The following UBE2E2 variants were observed in gnomAD, a reference collection of about 807,000 sequenced individuals.
UBE2E2 encodes the protein ubiquitin-conjugating enzyme E2 E2.
Under a neutral mutation model 24.7 loss-of-function variants are expected in UBE2E2, and 6 were observed. The ratio of observed to expected loss-of-function variants is 0.24; its 90% CI spans 0.13 to 0.48. The LOEUF is 0.48. Ranked by LOEUF, UBE2E2 falls within the 20% of genes least tolerant of loss-of-function variation. The probability of loss-of-function intolerance (pLI) is 0.99; values close to 1 mark genes in which losing one functional copy is unlikely to be tolerated. For missense variants in UBE2E2, 169 were observed against 245.0 expected (o/e 0.69, Z 2.07); for synonymous variants, 104 against 83.6 (o/e 1.24, Z -1.33).
intron 5 of UBE2E2, among the ~76,000 whole-genome samples, chr3:23,546,169 A>C (rs1695517318): frequency 6.6e-6 from 1 of 152,208 alleles, no homozygotes; most frequent in Admixed American, 6.5e-5. Context: ...AATTAATTAA[A>C]CATTTTTAAA....
chr3:23,230,223 T>A (rs909979356), intron 3 of UBE2E2, among the ~76,000 whole-genome samples: 1 of 152,200 alleles, frequency 6.6e-6, no homozygotes, highest in African/African-American at 2.4e-5. Flanking sequence ...AAAGCAATAT[T>A]GCAAATGATT....
chr3:23,334,674 G>T lies in UBE2E2; in HGVS notation c.227+117362G>T, dbSNP rs114487461. Among the ~76,000 whole-genome samples the T allele has an allele frequency of 8.1e-3, 1,239 of 152,258 alleles. 10 individuals carry two copies. Among genetic ancestry groups the T allele is most frequent in the Admixed American group, 0.014 (219 of 15,286 alleles). ...AGCAAACATTCAGTAAGCTGTACTA[G>T]CATATTTTGGTACTGATGAAAGATC... On this transcript the variant is annotated intron_variant, in intron 3 of 5. Coordinates refer to ENST00000396703, the MANE Select transcript of UBE2E2 (RefSeq NM_152653.4).
intron 5 of UBE2E2, among the ~76,000 whole-genome samples, chr3:23,561,657 T>C (rs1695932375): frequency 6.6e-6 from 1 of 151,554 alleles, no homozygotes; most frequent in South Asian, 2.1e-4. Flanking sequence ...ATAAATTACC[T>C]TGGGCAGTGT....
At chr3:23,440,088 A>C (rs1243407782) in intron 3 of UBE2E2, among the ~76,000 whole-genome samples, 1 of 152,102 alleles carries the variant, frequency 6.6e-6, no homozygotes, top group Non-Finnish European at 1.5e-5. Context: ...AGCCTGGCCA[A>C]GATGGTGAAA....
intron 4 of UBE2E2, among the ~76,000 whole-genome samples, chr3:23,510,679 C>G (rs934226410): frequency 1.3e-5 from 2 of 151,980 alleles, no homozygotes; most frequent in Non-Finnish European, 2.9e-5. Context: ...TATAAGCATA[C>G]CTATTCTAAA....
chr3:23,326,416 C>T (rs1235155697), intron 3 of UBE2E2, among the ~76,000 whole-genome samples: 1 of 152,092 alleles, frequency 6.6e-6, no homozygotes, highest in Non-Finnish European at 1.5e-5. Flanking sequence ...AATTATCTGG[C>T]TTTTCAAGAT....
chr3:23,247,587 C>A (rs1296313655), intron 3 of UBE2E2, among the ~76,000 whole-genome samples: 1 of 152,196 alleles, frequency 6.6e-6, no homozygotes, highest in Non-Finnish European at 1.5e-5. Flanking sequence ...CTCTCAACCT[C>A]AGGTGATCTG....
At chr3:23,568,117 C>T (rs1306811545) in intron 5 of UBE2E2, among the ~76,000 whole-genome samples, 1 of 152,184 alleles carries the variant, frequency 6.6e-6, no homozygotes, top group Non-Finnish European at 1.5e-5. Flanking sequence ...CAAAGGCAGG[C>T]AGAATGGTCT....
At chr3:23,542,587 A>G (rs981543592) in intron 5 of UBE2E2, among the ~76,000 whole-genome samples, 2 of 152,178 alleles carry the variant, frequency 1.3e-5, no homozygotes, top group South Asian at 2.1e-4. Context: ...GGTGAAAAAG[A>G]AAGTTTTAGA....
intron 3 of UBE2E2, among the ~76,000 whole-genome samples, chr3:23,301,517 G>A (rs1164079349): frequency 6.6e-6 from 1 of 152,214 alleles, no homozygotes; most frequent in Non-Finnish European, 1.5e-5. Context: ...ACCCTCAGCC[G>A]CAGGTCTGTT....
At chr3:23,441,189 C>T (rs1698294737) in intron 3 of UBE2E2, among the ~76,000 whole-genome samples, 1 of 151,906 alleles carries the variant, frequency 6.6e-6, no homozygotes, top group Non-Finnish European at 1.5e-5. Flanking sequence ...GGTTGGCAGG[C>T]AACAATTGTA....
At chr3:23,429,983 C>T (rs1698019296) in intron 3 of UBE2E2, among the ~76,000 whole-genome samples, 3 of 152,156 alleles carry the variant, frequency 2.0e-5, no homozygotes, top group Admixed American at 2.0e-4. Context: ...CAGGTTCAAG[C>T]AATCCTCCCA....
rs144884354 is a variant in UBE2E2, at chr3:23,529,518, A to C, written c.361-3036A>C. Among the ~76,000 whole-genome samples the C allele has an allele frequency of 1.2e-4, 19 of 152,368 alleles. No individual in the cohort carries two copies. In the East Asian group the frequency reaches 3.1e-3, roughly 25 times the overall value. ...GAGACAAACCGTAGGCTTTTGGATC[A>C]GCACAATTGTGTTCAAATTCTGGCT... is the stretch of plus-strand genomic sequence containing the variant. On this transcript the variant is annotated intron_variant, in intron 4 of 5. Coordinates refer to ENST00000396703, the MANE Select transcript of UBE2E2 (RefSeq NM_152653.4).
intron 3 of UBE2E2, among the ~76,000 whole-genome samples, chr3:23,265,925 T>A (rs1443183470): frequency 6.6e-6 from 1 of 152,222 alleles, no homozygotes; most frequent in Non-Finnish European, 1.5e-5. Flanking sequence ...TCTTTTGATC[T>A]TTGTTGGTTT....
At chr3:23,290,602 G>A (rs957061702) in intron 3 of UBE2E2, among the ~76,000 whole-genome samples, 3 of 151,924 alleles carry the variant, frequency 2.0e-5, no homozygotes, top group East Asian at 3.9e-4. Context: ...ATAGGAGAAC[G>A]TGCCCAGTTA....
At chr3:23,486,023 C>T (rs1004623538) in intron 3 of UBE2E2, among the ~76,000 whole-genome samples, 1 of 152,160 alleles carries the variant, frequency 6.6e-6, no homozygotes, top group African/African-American at 2.4e-5. Context: ...AGCAGCGCCT[C>T]TGCTTGAGTT....
At chr3:23,242,798 G>A (rs566440076) in intron 3 of UBE2E2, among the ~76,000 whole-genome samples, 82 of 152,208 alleles carry the variant, frequency 5.4e-4, no homozygotes, top group African/African-American at 1.8e-3. Context: ...CTTGAAAATA[G>A]TTATCGGCCA....
At position 23,261,781 on chromosome 3, in the gene UBE2E2, C is replaced by T. The variant is rs1040050749; in HGVS notation, c.227+44469C>T. Among the ~76,000 whole-genome samples, 8 of 152,164 alleles carry T rather than the reference C, an allele frequency of 5.3e-5. No individual in the cohort carries two copies. The East Asian group carries it at 1.5e-3, about 29-fold the overall frequency. ...CGCTTCAGAATCATCCAATGTGTAG[C>T]AAATGGCAGGATTTCCTTCCTTTTT... On this transcript the variant is annotated intron_variant, in intron 3 of 5. Coordinates refer to ENST00000396703, the MANE Select transcript of UBE2E2 (RefSeq NM_152653.4).
intron 3 of UBE2E2, among the ~76,000 whole-genome samples, chr3:23,260,204 A>C (rs1304324288): frequency 6.6e-6 from 1 of 152,156 alleles, no homozygotes; most frequent in Admixed American, 6.5e-5. Flanking sequence ...AGCCTAATGG[A>C]TATATTATGC....
Sources: gnomAD v4.1 joint callset for allele counts (sites outside exome capture counted in the v4.1 genomes callset) on GRCh38, gnomAD v4.1.1 for gene constraint, MANE v1.5 for transcripts, NCBI Gene and HGNC (gene_info 2026-07-23, HGNC 2026-07-21) for gene names.